The following PCSK6 variants were observed in gnomAD, a reference collection of about 807,000 sequenced individuals.
PCSK6 encodes paired basic amino acid cleaving enzyme 4.
In PCSK6, 85 loss-of-function variants were observed where a neutral mutation model predicts 123.3. The observed-to-expected ratio is 0.69, with a 90% CI of 0.58 to 0.83. The LOEUF is 0.83. PCSK6 is among the 40% of genes least tolerant of loss of function. PCSK6 has a pLI of 0.00. For missense variants in PCSK6, 1,191 were observed against 1,282.3 expected, an observed-to-expected ratio of 0.93 and a Z score of 1.09; for synonymous variants, 508 against 516.0, an observed-to-expected ratio of 0.98 and a Z score of 0.21.
At chr15:101,443,160 G>C (rs545178635) in intron 2 of PCSK6, among the ~76,000 whole-genome samples, 86 of 152,196 alleles carry the variant, frequency 5.7e-4, no homozygotes, top group Middle Eastern at 6.8e-3. Flanking sequence ...GAATCTTTGA[G>C]GAAAAAAAGT....
intron 1 of PCSK6, among the ~76,000 whole-genome samples, chr15:101,465,558 T>C (rs2057438910): frequency 6.6e-6 from 1 of 152,184 alleles, no homozygotes; most frequent in Non-Finnish European, 1.5e-5. Flanking sequence ...AGGGGCCACC[T>C]GTTGCCTTCT....
chr15:101,313,402 C>T lies in PCSK6; in HGVS notation c.2673G>A (p.Pro891=), dbSNP rs760223476. ...TTCGACACACTTTGTGGGGCAAGCC[C>T]GGCATCTCTTCTGGGTAGAAGCCCT... ...CGEGFYPEEM[P]GLPHKVCRRC... The change falls in exon 20 of 22, where the codon CCG becomes CCA. Residue 891 remains proline, a synonymous_variant. Transcript: ENST00000611716. The T allele has an allele frequency of 2.8e-5, 45 of 1,612,654 alleles. No homozygotes were observed. The highest frequency in any genetic ancestry group is 1.9e-4 in the South Asian group (17 of 91,094).
intron 11 of PCSK6, among the ~76,000 whole-genome samples, chr15:101,371,283 A>G (rs1028337845): frequency 2.6e-5 from 4 of 152,082 alleles, no homozygotes; most frequent in African/African-American, 9.7e-5. Context: ...CCCTTTGGTG[A>G]CCAGAAGGCG....
At chr15:101,448,172 A>C (rs2056942121) in intron 1 of PCSK6, among the ~76,000 whole-genome samples, 2 of 152,244 alleles carry the variant, frequency 1.3e-5, no homozygotes, top group South Asian at 4.1e-4. Flanking sequence ...GAAAATAAAC[A>C]ATTTGCTGAA....
chr15:101,331,539 C>T (rs1290971057), intron 15 of PCSK6, 112 bp downstream of exon 15: 17 of 937,902 alleles, frequency 1.8e-5, no homozygotes, highest in Non-Finnish European at 2.7e-5. Flanking sequence ...GGGGGTGCTC[C>T]TAGAAGTGGC....
At chr15:101,460,250 G>C (rs1309310604) in intron 1 of PCSK6, among the ~76,000 whole-genome samples, 3 of 152,226 alleles carry the variant, frequency 2.0e-5, no homozygotes, top group Admixed American at 6.5e-5. Flanking sequence ...TTCTAAAGAG[G>C]GGTCTTTCCC....
At chr15:101,403,025 T>C (rs1212579305) in intron 6 of PCSK6, among the ~76,000 whole-genome samples, 1 of 152,108 alleles carries the variant, frequency 6.6e-6, no homozygotes, top group African/African-American at 2.4e-5. Context: ...CCAACCCAAA[T>C]GTCCAACAAT....
intron 6 of PCSK6, among the ~76,000 whole-genome samples, chr15:101,408,737 C>T (rs2042850879): frequency 6.6e-6 from 1 of 152,228 alleles, no homozygotes; most frequent in African/African-American, 2.4e-5. Context: ...GATTAATCTA[C>T]AGCTTAAACT....
At chr15:101,326,540 C>A in intron 15 of PCSK6, 61 bp from the exon 16 acceptor site, 1 of 1,434,152 alleles carries the variant, frequency 7.0e-7, no homozygotes, top group Non-Finnish European at 9.6e-7. Context: ...ACTGCAGTCC[C>A]GCGGATCCCT....
chr15:101,338,187 C>A (rs1596199665), intron 13 of PCSK6, among the ~76,000 whole-genome samples: 1 of 152,100 alleles, frequency 6.6e-6, no homozygotes, highest in African/African-American at 2.4e-5. Context: ...TAAGAATCAC[C>A]CCCTCTACAC....
rs553991218 is a variant in PCSK6 at position 101,414,260 on chromosome 15, T to A, written c.823+13632A>T. 2.5e-3 allele frequency among the ~76,000 whole-genome samples: 379 copies of A among 152,352 alleles called. 2 individuals carry two copies. Among genetic ancestry groups the A allele is most frequent in the African/African-American group, 8.6e-3 (357 of 41,584 alleles). On this transcript the variant is annotated intron_variant, in intron 6 of 21. Coordinates refer to ENST00000611716, the MANE Select transcript of PCSK6 (RefSeq NM_002570.5). Reference sequence around the variant, plus strand: ...GGACTCAGAAAATTTACTATCTATATAACCATTCATACCTATAGCAAGCAC... The same window carrying A: ...GGACTCAGAAAATTTACTATCTATAAAACCATTCATACCTATAGCAAGCAC...
At chr15:101,474,142 A>G (rs765825) in intron 1 of PCSK6, among the ~76,000 whole-genome samples, 115,306 of 152,190 alleles carry the variant, frequency 0.76, 44,402 homozygotes, top group Non-Finnish European at 0.84. Context: ...GGGCTTTATC[A>G]AGAGGAACAC....
intron 13 of PCSK6, among the ~76,000 whole-genome samples, chr15:101,343,833 G>A (rs537406674): frequency 2.6e-5 from 4 of 152,314 alleles, no homozygotes; most frequent in African/African-American, 9.6e-5. Flanking sequence ...GCTCATGCCT[G>A]TAATCCCAGC....
intron 1 of PCSK6, among the ~76,000 whole-genome samples, chr15:101,484,592 T>A (rs2057973926): frequency 6.6e-6 from 1 of 152,052 alleles, no homozygotes; most frequent in South Asian, 2.1e-4. Context: ...GGTTTCACCA[T>A]GTTGGCCAGG....
At chr15:101,394,737 T>C (rs1226791343) in intron 7 of PCSK6, among the ~76,000 whole-genome samples, 1 of 152,152 alleles carries the variant, frequency 6.6e-6, no homozygotes, top group Non-Finnish European at 1.5e-5. Flanking sequence ...GCACAATGAG[T>C]GGACCCGCCT....
intron 13 of PCSK6, among the ~76,000 whole-genome samples, chr15:101,354,184 T>C (rs2040975914): frequency 6.6e-6 from 1 of 152,088 alleles, no homozygotes; most frequent in East Asian, 1.9e-4. Flanking sequence ...CACACCCACA[T>C]ATCCACATGC....
At chr15:101,352,133 T>A (rs1380504136) in intron 13 of PCSK6, among the ~76,000 whole-genome samples, 3 of 146,970 alleles carry the variant, frequency 2.0e-5, no homozygotes, top group African/African-American at 7.7e-5. Context: ...TAAATATTTT[T>A]CTAATTTTTT....
At position 101,304,557 on chromosome 15, in the gene PCSK6, G is replaced by A. The variant is rs1016046337; in HGVS notation, c.*701C>T. The stretch of plus-strand genomic sequence containing the variant: ...AGGCCATGAGACTCCTGAAGACACA[G>A]ACAGAACACGGTAACAAGGAGAGCT... On this transcript the variant is annotated 3_prime_UTR_variant, in exon 22 of 22. Transcript: ENST00000611716. 2 of 152,232 alleles carry A rather than the reference G, an allele frequency of 1.3e-5. No homozygotes were observed. The highest frequency in any genetic ancestry group is 4.8e-5 in the African/African-American group (2 of 41,452). The allele number at this position is 152,232 out of a possible 1,614,324, so 9.4% of individuals were successfully genotyped here.
At chr15:101,364,880 G>T in intron 13 of PCSK6, 1 of 609,744 alleles carries the variant, frequency 1.6e-6, no homozygotes, top group South Asian at 2.0e-5. Context: ...CAAGTTGGAG[G>T]ACTCGCACTT....
Sources: gnomAD v4.1 joint callset for allele counts (sites outside exome capture counted in the v4.1 genomes callset) on GRCh38, gnomAD v4.1.1 for gene constraint, MANE v1.5 for transcripts, NCBI Gene and HGNC (gene_info 2026-07-23, HGNC 2026-07-21) for gene names.